The following C8orf34 variants were observed in gnomAD, a reference collection of about 807,000 sequenced individuals.
C8orf34 encodes uncharacterized protein C8orf34.
Under a neutral mutation model 68.3 loss-of-function variants are expected in C8orf34, and 65 were observed. That is an observed-to-expected ratio of 0.95 (90% CI 0.78 to 1.17). The LOEUF (loss-of-function observed/expected upper bound fraction) is 1.17, where lower values mean the gene tolerates loss of function less well. C8orf34 is among the 50% of genes most tolerant of loss of function. C8orf34 has a pLI of 0.00. For missense variants in C8orf34, 664 were observed against 655.4 expected, an observed-to-expected ratio of 1.01 and a Z score of -0.14; for synonymous variants, 244 against 241.2, an observed-to-expected ratio of 1.01 and a Z score of -0.11.
rs773061417 is a variant in C8orf34, at chr8:68,446,366, T to G, written c.513T>G (p.Asp171Glu). ...CAAGAAGGGATTTCAGAAGCTATGA[T>G]AAACCTTGGCAATTAAATGCAAAGA... The part of the protein sequence containing the change: ...KGTRRDFRSY[D>E]KPWQLNAKKP... The change falls in exon 3 of 14, where the codon GAT becomes GAG. Residue 171 changes from aspartate to glutamate, a missense_variant. Physicochemically the swap from Asp to Glu is conservative, Grantham distance 45. Transcript: ENST00000518698. The G allele has an allele frequency of 2.5e-6, 4 of 1,610,852 alleles. No homozygotes were observed. In the East Asian group the frequency reaches 8.9e-5, roughly 36 times the overall value.
intron 7 of C8orf34, among the ~76,000 whole-genome samples, chr8:68,568,450 ATGT>A (rs1396345763): frequency 6.6e-6 from 1 of 152,122 alleles, no homozygotes; most frequent in African/African-American, 2.4e-5. Flanking sequence ...AAAGTTTGAA[ATGT>A]TGTGAGAATT....
At chr8:68,502,386 CA>C (rs1813817136) in intron 5 of C8orf34, among the ~76,000 whole-genome samples, 1 of 152,040 alleles carries the variant, frequency 6.6e-6, no homozygotes, top group Non-Finnish European at 1.5e-5. Context: ...AAAACACTAC[CA>C]AAGATCACTA....
chr8:68,507,502 A>C (rs1270956101), intron 5 of C8orf34, among the ~76,000 whole-genome samples: 1 of 152,202 alleles, frequency 6.6e-6, no homozygotes, highest in Non-Finnish European at 1.5e-5. Flanking sequence ...CTTTTTACCC[A>C]GGAGTGTGGG....
At chr8:68,603,760 T>C (rs1817775243) in intron 7 of C8orf34, among the ~76,000 whole-genome samples, 1 of 152,074 alleles carries the variant, frequency 6.6e-6, no homozygotes, top group African/African-American at 2.4e-5. Context: ...CTGAAGGAAC[T>C]TCCTTAGGGG....
At chr8:68,720,436 C>T (rs1166173476) in intron 9 of C8orf34, among the ~76,000 whole-genome samples, 1 of 151,890 alleles carries the variant, frequency 6.6e-6, no homozygotes, top group Non-Finnish European at 1.5e-5. Context: ...CTCTAATTCT[C>T]TTTACAGAGT....
At chr8:68,399,445 A>C (rs573064375) in intron 1 of C8orf34, among the ~76,000 whole-genome samples, 13 of 152,254 alleles carry the variant, frequency 8.5e-5, no homozygotes, top group African/African-American at 2.9e-4. Flanking sequence ...GTTTCACTGA[A>C]GATAATGGCC....
intron 7 of C8orf34, among the ~76,000 whole-genome samples, chr8:68,586,233 T>A (rs1438539484): frequency 6.6e-6 from 1 of 152,150 alleles, no homozygotes; most frequent in Non-Finnish European, 1.5e-5. Context: ...CTTATCTACA[T>A]CTTCCATCAT....
At chr8:68,651,325 TGTACTA>T (rs1268761497) in intron 8 of C8orf34, among the ~76,000 whole-genome samples, 2 of 152,222 alleles carry the variant, frequency 1.3e-5, no homozygotes, top group African/African-American at 4.8e-5. Context: ...TCCTGCAGTC[TGTACTA>T]GTCCACTGGG....
intron 5 of C8orf34, among the ~76,000 whole-genome samples, chr8:68,497,776 A>G (rs891398400): frequency 3.9e-5 from 6 of 151,960 alleles, no homozygotes; most frequent in African/African-American, 1.5e-4. Flanking sequence ...TTAGTATGCT[A>G]CCATTCATCT....
At chr8:68,516,931 C>T in intron 5 of C8orf34, among the ~76,000 whole-genome samples, 1 of 152,114 alleles carries the variant, frequency 6.6e-6, no homozygotes, top group Middle Eastern at 3.2e-3. Flanking sequence ...TGAGCCACCA[C>T]ACCCTGCCTG....
intron 1 of C8orf34, among the ~76,000 whole-genome samples, chr8:68,352,474 C>T (rs917197571): frequency 6.6e-6 from 1 of 151,962 alleles, no homozygotes; most frequent in Non-Finnish European, 1.5e-5. Context: ...AGACATTATG[C>T]AAAGTTATCC....
At chr8:68,472,978 C>G (rs764286717) in intron 4 of C8orf34, among the ~76,000 whole-genome samples, 2 of 152,014 alleles carry the variant, frequency 1.3e-5, no homozygotes, top group Non-Finnish European at 2.9e-5. Flanking sequence ...ACAAAAAAAC[C>G]CCCACAAAAT....
intron 1 of C8orf34, among the ~76,000 whole-genome samples, chr8:68,332,732 G>C (rs1484878834): frequency 2.6e-5 from 4 of 152,140 alleles, no homozygotes; most frequent in African/African-American, 9.7e-5. Flanking sequence ...ATCTGTCTTA[G>C]ACGATAAGAC....
intron 4 of C8orf34, among the ~76,000 whole-genome samples, chr8:68,469,569 G>A (rs759462751): frequency 2.1e-4 from 32 of 152,026 alleles, no homozygotes; most frequent in Non-Finnish European, 4.0e-4. Context: ...GCAGCCATAC[G>A]TATACACTAT....
chr8:68,364,580 G>C (rs1376868861), intron 1 of C8orf34, among the ~76,000 whole-genome samples: 2 of 86,752 alleles, frequency 2.3e-5, no homozygotes, highest in African/African-American at 9.5e-5. Context: ...TAGAACTCAG[G>C]ATTAAGAATC....
chr8:68,339,268 A>G lies in C8orf34; in HGVS notation c.327+7929A>G, dbSNP rs188055548. 7.2e-3 allele frequency among the ~76,000 whole-genome samples: 1,044 copies of G among 144,346 alleles called. 12 individuals carry two copies. The highest frequency in any genetic ancestry group is 0.024 in the African/African-American group (982 of 40,988). 94.7% of individuals were successfully genotyped at this position (144,346 alleles called of 152,430 possible). The stretch of plus-strand genomic sequence containing the variant: ...AGGGTATCTACAAAAAAGAGACAAT[A>G]AATAATAAGTAAGTTTATTAAGGTT... On this transcript the variant is annotated intron_variant, in intron 1 of 13. Transcript: ENST00000518698.
At chr8:68,618,478 T>C (rs1818294305) in intron 7 of C8orf34, among the ~76,000 whole-genome samples, 1 of 152,016 alleles carries the variant, frequency 6.6e-6, no homozygotes, top group South Asian at 2.1e-4. Context: ...GCTTCCCAAG[T>C]AGCTGGAACC....
intron 11 of C8orf34, among the ~76,000 whole-genome samples, chr8:68,780,700 G>A (rs1362816862): frequency 1.3e-5 from 2 of 152,108 alleles, no homozygotes; most frequent in Admixed American, 6.5e-5. Context: ...TGGGCAGATT[G>A]CAGTCCAGGA....
chr8:68,510,797 G>T (rs1586288639), intron 5 of C8orf34, among the ~76,000 whole-genome samples: 2 of 152,140 alleles, frequency 1.3e-5, no homozygotes, highest in East Asian at 3.9e-4. Flanking sequence ...TCTCAGATAA[G>T]GCCTTAAAAA....
Sources: allele counts gnomAD v4.1 joint callset (sites outside exome capture counted in the v4.1 genomes callset), GRCh38; gene constraint gnomAD v4.1.1; transcripts MANE v1.5; gene names NCBI Gene and HGNC (gene_info 2026-07-23, HGNC 2026-07-21).